The following PLEKHG5 variants were observed in gnomAD, a reference collection of about 807,000 sequenced individuals.
The protein encoded by PLEKHG5 is pleckstrin homology and RhoGEF domain containing G5, also known as pleckstrin homology domain-containing family G member 5.
PLEKHG5 carries 52 observed loss-of-function variants against 103.8 expected under a neutral mutation model. That is an observed-to-expected ratio of 0.50 (90% CI 0.40 to 0.63). PLEKHG5 has a LOEUF of 0.63. PLEKHG5 is among the 30% of genes least tolerant of loss of function. The probability of loss-of-function intolerance (pLI) is 0.00; values close to 1 mark genes in which losing one functional copy is unlikely to be tolerated. For missense variants in PLEKHG5, 1,205 were observed against 1,347.6 expected, an observed-to-expected ratio of 0.89 and a Z score of 1.66; for synonymous variants, 592 against 575.5, an observed-to-expected ratio of 1.03 and a Z score of -0.41.
At chr1:6,481,398 G>A (rs1319248972) in intron 1 of PLEKHG5, among the ~76,000 whole-genome samples, 6 of 152,124 alleles carry the variant, frequency 3.9e-5, no homozygotes, top group East Asian at 1.9e-4. Context: ...GGGCATGGTG[G>A]CGCATGCCTG....
At chr1:6,496,146 G>A (rs1455362758), upstream of PLEKHG5, among the ~76,000 whole-genome samples, 3 of 152,240 alleles carry the variant, frequency 2.0e-5, no homozygotes, top group Admixed American at 6.5e-5. Flanking sequence ...GACCAGCACC[G>A]TGGGAGACCA....
chr1:6,504,997 C>T (rs942260884), intron 1 of PLEKHG5, among the ~76,000 whole-genome samples: 1 of 152,078 alleles, frequency 6.6e-6, no homozygotes, highest in African/African-American at 2.4e-5. Context: ...GGAAGGACCA[C>T]GCCAGCCTGG....
chr1:6,473,398 G>A lies in PLEKHG5; in HGVS notation c.648C>T (p.Pro216=), dbSNP rs1030435109. The change falls in exon 8 of 21, where the codon CCC becomes CCT. Residue 216 remains proline (P), a synonymous_variant. Transcript: ENST00000377728. ...TGGAGGGCGTGGGGGGCTCCTGCCCGGGGATGCTCGCCTCCCCCAGGAACT... is the reference window on the plus strand; with the variant it reads ...TGGAGGGCGTGGGGGGCTCCTGCCCAGGGATGCTCGCCTCCCCCAGGAACT... ...MSEFLGEASI[P]GQEPPTPSSC... 28 of 1,544,670 alleles carry A rather than the reference G, an allele frequency of 1.8e-5. No individual in the cohort carries two copies. Among genetic ancestry groups the A allele is most frequent in the South Asian group, 7.2e-5 (6 of 83,868 alleles).
chr1:6,516,620 G>A (rs905043494), intron 1 of PLEKHG5, among the ~76,000 whole-genome samples: 11 of 151,944 alleles, frequency 7.2e-5, no homozygotes, highest in African/African-American at 2.4e-4. Flanking sequence ...TCACACCACT[G>A]CACTCCAGCC....
At chr1:6,497,292 C>A, upstream of PLEKHG5, 1 of 1,002,858 alleles carries the variant, frequency 1.0e-6, no homozygotes. This position sits in a 1 kb window ranked among gnomAD's most constrained non-coding sequence, Gnocchi z 6.1. Flanking sequence ...CCCCGCCCCG[C>A]GTCCGCCGGG....
At chr1:6,481,639 C>T (rs947481431) in intron 1 of PLEKHG5, among the ~76,000 whole-genome samples, 3 of 151,462 alleles carry the variant, frequency 2.0e-5, no homozygotes, top group Non-Finnish European at 4.4e-5. Context: ...CTGAGGCAGG[C>T]GGATCACAAG....
At chr1:6,518,989 C>G (rs1490657317) in intron 1 of PLEKHG5, among the ~76,000 whole-genome samples, 1 of 152,212 alleles carries the variant, frequency 6.6e-6, no homozygotes, top group African/African-American at 2.4e-5. Context: ...ACTACAGGTG[C>G]GTGCCACCAC....
intron 1 of PLEKHG5, among the ~76,000 whole-genome samples, chr1:6,518,242 G>A (rs930558422): frequency 9.2e-5 from 14 of 151,420 alleles, no homozygotes; most frequent in Admixed American, 6.6e-4. Context: ...GTGTCATGGC[G>A]GATATTAAAA....
At position 6,512,353 on chromosome 1, in the gene PLEKHG5, G is replaced by A. The variant is rs185373319; in HGVS notation, c.-165+7092C>T. 2.6e-5 allele frequency among the ~76,000 whole-genome samples: 4 copies of A among 152,304 alleles called. No homozygotes were observed. The East Asian group carries it at 5.8e-4, about 22-fold the overall frequency. ...CGTGAGCTCAAGTGGGCTTCTCCCA[G>A]CCCCAGATGTGCCCCCTGACTTGGA... On this transcript the variant is annotated intron_variant, in intron 1 of 21. Coordinates refer to the PLEKHG5 transcript ENST00000377740.
chr1:6,481,455 C>A (rs940967962), intron 1 of PLEKHG5, among the ~76,000 whole-genome samples: 12 of 151,616 alleles, frequency 7.9e-5, no homozygotes, highest in African/African-American at 2.9e-4. Flanking sequence ...CGCTTGAATA[C>A]GGGAGGCAGA....
At chr1:6,501,394 C>G (rs1014338407), upstream of PLEKHG5, among the ~76,000 whole-genome samples, 1 of 152,214 alleles carries the variant, frequency 6.6e-6, no homozygotes, top group African/African-American at 2.4e-5. The surrounding 1 kb of genome is among the most constrained non-coding windows in gnomAD (Gnocchi z 4.3). Flanking sequence ...AGGAAGGCCT[C>G]CCTATTGTCA....
intron 1 of PLEKHG5, among the ~76,000 whole-genome samples, chr1:6,507,059 G>A (rs1381142996): frequency 3.3e-5 from 5 of 152,186 alleles, no homozygotes; most frequent in African/African-American, 4.8e-5. Flanking sequence ...GCGGACAGGC[G>A]GGGAAATGAA....
At chr1:6,469,714 C>A (rs1456499405) in intron 16 of PLEKHG5, 38 bp from the exon 17 acceptor site, 2 of 1,606,498 alleles carry the variant, frequency 1.2e-6, no homozygotes, top group African/African-American at 2.7e-5. Context: ...GAGAGGCCAG[C>A]AGGGTCAGGG....
chr1:6,501,575 G>A (rs1333876878), upstream of PLEKHG5, among the ~76,000 whole-genome samples: 2 of 152,154 alleles, frequency 1.3e-5, no homozygotes, highest in African/African-American at 4.8e-5. The surrounding 1 kb of genome is among the most constrained non-coding windows in gnomAD (Gnocchi z 4.3). Flanking sequence ...AGATGGTGTC[G>A]TTTCACCATC....
rs1172463122 is a variant in PLEKHG5, at chr1:6,491,466, C to T, written c.-88+171G>A. Among the ~76,000 whole-genome samples, 1 of 152,212 alleles carries T rather than the reference C, an allele frequency of 6.6e-6. No homozygotes were observed. Among genetic ancestry groups the T allele is most frequent in the Non-Finnish European group, 1.5e-5 (1 of 68,046 alleles). On this transcript the variant is annotated intron_variant, in intron 1 of 20. Transcript: ENST00000377728. The surrounding 1 kb of genome is among the most constrained non-coding windows in gnomAD (Gnocchi z 4.1). Reference sequence around the variant, plus strand: ...CCAGGAGTCCCCTTGCATTGTTTCTCTGGCCCTGCCCGTTTCTTCAGCTGC... The same window carrying T: ...CCAGGAGTCCCCTTGCATTGTTTCTTTGGCCCTGCCCGTTTCTTCAGCTGC...
chr1:6,485,830 C>A, intron 1 of PLEKHG5: 1 of 967,350 alleles, frequency 1.0e-6, no homozygotes, highest in South Asian at 4.8e-5. Flanking sequence ...CCCGGGGTAC[C>A]CCCACCTCTG....
Position 6,471,745 on chromosome 1 carries a change from A to G in PLEKHG5, c.1131+13T>C. ...GGTACCTCACCCGCCGCCGCCCCCG[A>G]ATCCCAGCGCACCTCACACAGCAGC... On this transcript the variant is annotated intron_variant, in intron 11 of 20. Transcript: ENST00000377728. 1 of 1,607,188 alleles carries G rather than the reference A, an allele frequency of 6.2e-7. No homozygotes were observed. The highest frequency in any genetic ancestry group is 8.5e-7 in the Non-Finnish European group (1 of 1,177,330).
chr1:6,507,342 T>A (rs1638352928), intron 1 of PLEKHG5, among the ~76,000 whole-genome samples: 1 of 152,114 alleles, frequency 6.6e-6, no homozygotes, highest in South Asian at 2.1e-4. Flanking sequence ...CTTGGGGACC[T>A]GAACAAGCAG....
At chr1:6,485,269 C>T in intron 1 of PLEKHG5, 1 of 1,190,528 alleles carries the variant, frequency 8.4e-7, no homozygotes, top group Non-Finnish European at 1.1e-6. Context: ...GACTGGGCGG[C>T]TGCAGGCGAG....
Sources: gnomAD v4.1 joint callset for allele counts (sites outside exome capture counted in the v4.1 genomes callset) on GRCh38, gnomAD v4.1.1 for gene constraint, Gnocchi (gnomAD v3.1) non-coding constraint, MANE v1.5 for transcripts, NCBI Gene and HGNC (gene_info 2026-07-23, HGNC 2026-07-21) for gene names.